SNTG1: variants seen among roughly 807,000 people sequenced by gnomAD.
SNTG1 encodes syntrophin gamma 1, also known as gamma-1-syntrophin.
A neutral mutation model predicts 74.7 loss-of-function variants in SNTG1; 39 were observed. The ratio of observed to expected loss-of-function variants is 0.52; its 90% CI spans 0.40 to 0.68. The LOEUF (loss-of-function observed/expected upper bound fraction) is 0.68. Among genes scored for constraint, SNTG1 ranks in the 30% least tolerant of loss-of-function variants. The pLI is 0.00. For missense variants in SNTG1, 685 were observed against 609.5 expected, an observed-to-expected ratio of 1.12 and a Z score of -1.30; for synonymous variants, 254 against 217.1, an observed-to-expected ratio of 1.17 and a Z score of -1.49.
intron 1 of SNTG1, among the ~76,000 whole-genome samples, chr8:50,152,961 G>A (rs1274126249): frequency 6.6e-6 from 1 of 152,124 alleles, no homozygotes; most frequent in Non-Finnish European, 1.5e-5. Flanking sequence ...TGCCTTGCTA[G>A]GTTGGGGAAG....
intron 1 of SNTG1, among the ~76,000 whole-genome samples, chr8:50,027,108 C>T (rs987507389): frequency 6.6e-6 from 1 of 152,146 alleles, no homozygotes; most frequent in African/African-American, 2.4e-5. Context: ...CACATTATTT[C>T]TAACCATGTT....
At chr8:50,005,527 T>G (rs1344230314) in intron 1 of SNTG1, among the ~76,000 whole-genome samples, 1 of 152,114 alleles carries the variant, frequency 6.6e-6, no homozygotes, top group South Asian at 2.1e-4. Flanking sequence ...ATATATTTGT[T>G]AAATAGAATT....
intron 2 of SNTG1, among the ~76,000 whole-genome samples, chr8:50,306,899 A>T (rs377454622): frequency 1.5e-4 from 23 of 151,592 alleles, no homozygotes; most frequent in African/African-American, 5.3e-4. Flanking sequence ...ATGAAATCAC[A>T]TTTACTTTTT....
At chr8:50,537,129 T>TGTTC (rs1242825579) in intron 11 of SNTG1, among the ~76,000 whole-genome samples, 10 of 152,270 alleles carry the variant, frequency 6.6e-5, no homozygotes, top group African/African-American at 2.4e-4. Flanking sequence ...TTTGTTTGTT[T>TGTTC]GTTCACTTAT....
intron 18 of SNTG1, among the ~76,000 whole-genome samples, chr8:50,756,265 A>T (rs765407688): frequency 6.6e-6 from 1 of 151,858 alleles, no homozygotes; most frequent in Non-Finnish European, 1.5e-5. Flanking sequence ...AATGAGGTCC[A>T]GTTTATCAGT....
intron 2 of SNTG1, among the ~76,000 whole-genome samples, chr8:50,382,608 A>G (rs1020115925): frequency 1.3e-5 from 2 of 152,186 alleles, no homozygotes; most frequent in African/African-American, 4.8e-5. Context: ...TTTTTTCTAG[A>G]TAATATCATC....
At chr8:50,124,017 G>C (rs1286841717) in intron 1 of SNTG1, among the ~76,000 whole-genome samples, 4 of 142,356 alleles carry the variant, frequency 2.8e-5, no homozygotes, top group Non-Finnish European at 6.3e-5. Flanking sequence ...GTCAGGATCT[G>C]AACTGTGTCT....
intron 2 of SNTG1, among the ~76,000 whole-genome samples, chr8:50,210,489 T>A (rs557959504): frequency 1.3e-5 from 2 of 152,224 alleles, no homozygotes; most frequent in Non-Finnish European, 2.9e-5. Flanking sequence ...AAAGGTAGGG[T>A]TACCCACAAA....
At chr8:50,236,637 A>G (rs1249413603) in intron 2 of SNTG1, among the ~76,000 whole-genome samples, 2 of 151,768 alleles carry the variant, frequency 1.3e-5, no homozygotes, top group Non-Finnish European at 2.9e-5. Context: ...TTTTTAGTAG[A>G]GACGGGGTTT....
chr8:49,973,812 G>T (rs189001567), intron 1 of SNTG1, among the ~76,000 whole-genome samples: 1 of 152,132 alleles, frequency 6.6e-6, no homozygotes, highest in Non-Finnish European at 1.5e-5. Context: ...GATAAATTTG[G>T]ATACCATTTG....
chr8:50,076,649 T>G (rs1406752854), intron 1 of SNTG1, among the ~76,000 whole-genome samples: 1 of 152,174 alleles, frequency 6.6e-6, no homozygotes, highest in Non-Finnish European at 1.5e-5. Context: ...TTTCTCTTGG[T>G]TTTTATCTTA....
At chr8:50,190,555 A>G (rs1227589263) in intron 2 of SNTG1, among the ~76,000 whole-genome samples, 1 of 152,196 alleles carries the variant, frequency 6.6e-6, no homozygotes. Flanking sequence ...ACTAATTAGC[A>G]TGCCATAAAT....
intron 1 of SNTG1, among the ~76,000 whole-genome samples, chr8:50,157,667 T>C (rs1258314893): frequency 6.6e-6 from 1 of 152,132 alleles, no homozygotes. Context: ...TAAAATGTGA[T>C]ATTTAGGACT....
chr8:50,245,050 G>A (rs1264838421), intron 2 of SNTG1, among the ~76,000 whole-genome samples: 1 of 151,972 alleles, frequency 6.6e-6, no homozygotes, highest in African/African-American at 2.4e-5. Flanking sequence ...TTTCTTGGTT[G>A]GATCAGAGCA....
At chr8:50,010,261 A>G (rs1815648101) in intron 1 of SNTG1, among the ~76,000 whole-genome samples, 1 of 152,132 alleles carries the variant, frequency 6.6e-6, no homozygotes, top group African/African-American at 2.4e-5. Context: ...TATTACTCAG[A>G]GTAACTCACT....
chr8:50,300,358 G>A lies in SNTG1; in HGVS notation c.-27-93854G>A, dbSNP rs186092953. ...TTTGTGTGTGTGAATACACAAATTC[G>A]TTTGATTCATGTTGGACTGTCCCAG... is the stretch of plus-strand genomic sequence containing the variant. On this transcript the variant is annotated intron_variant, in intron 2 of 18. Transcript: ENST00000642720. Among the ~76,000 whole-genome samples, 149 of 152,130 alleles carry A rather than the reference G, an allele frequency of 9.8e-4. 1 individual carries two copies. Among genetic ancestry groups the A allele is most frequent in the South Asian group, 2.7e-3 (13 of 4,826 alleles).
chr8:50,602,809 G>C (rs555848850), intron 13 of SNTG1, among the ~76,000 whole-genome samples: 1 of 151,362 alleles, frequency 6.6e-6, no homozygotes, highest in Admixed American at 6.6e-5. Flanking sequence ...TTCCTTCATC[G>C]CTTTAAACAT....
chr8:50,512,868 C>T (rs1226483102), intron 9 of SNTG1, among the ~76,000 whole-genome samples: 1 of 152,070 alleles, frequency 6.6e-6, no homozygotes, highest in Non-Finnish European at 1.5e-5. Context: ...CGAACTTCCT[C>T]CTTTAGCTTG....
intron 2 of SNTG1, among the ~76,000 whole-genome samples, chr8:50,335,252 T>G (rs1049529016): frequency 6.6e-6 from 1 of 152,206 alleles, no homozygotes; most frequent in Non-Finnish European, 1.5e-5. Context: ...AACCACAAAC[T>G]TGGTGGTTTA....
Sources: gnomAD v4.1 joint callset for allele counts (sites outside exome capture counted in the v4.1 genomes callset) on GRCh38, gnomAD v4.1.1 for gene constraint, MANE v1.5 for transcripts, NCBI Gene and HGNC (gene_info 2026-07-23, HGNC 2026-07-21) for gene names.